LRRFIP2: variants seen among roughly 807,000 people sequenced by gnomAD.
The protein encoded by LRRFIP2 is LRR binding FLII interacting protein 2.
LRRFIP2 carries 109 observed loss-of-function variants against 125.9 expected under a neutral mutation model. The observed-to-expected ratio is 0.87, with a 90% CI of 0.74 to 1.01. LRRFIP2 has a LOEUF of 1.01. Ranked by LOEUF, LRRFIP2 falls within the 50% of genes least tolerant of loss-of-function variation. LRRFIP2 has a pLI of 0.00. For synonymous variants in LRRFIP2, 291 were observed against 293.1 expected (o/e 0.99, Z 0.07); for missense variants, 850 against 862.3 (o/e 0.99, Z 0.18).
chr3:37,083,630 C>T lies in LRRFIP2; in HGVS notation c.1278+6G>A. 6.4e-7 allele frequency: 1 copy of T among 1,553,948 alleles called. No individual in the cohort carries two copies. Among genetic ancestry groups the T allele is most frequent in the Non-Finnish European group, 8.6e-7 (1 of 1,157,952 alleles). ...GCCCCAAGAGAAAATACAAGATAAG[C>T]ATTACCTTTGATTTTTCTTCATTTT... On this transcript the variant is annotated splice_donor_region_variant and intron_variant, in intron 19 of 27. Coordinates refer to ENST00000336686, the MANE Select transcript of LRRFIP2 (RefSeq NM_006309.4).
chr3:37,158,878 G>A (rs534971358), intron 1 of LRRFIP2, among the ~76,000 whole-genome samples: 2 of 152,056 alleles, frequency 1.3e-5, no homozygotes, highest in African/African-American at 4.8e-5. Context: ...CTGAGAATTT[G>A]CAAGGCACTA....
At chr3:37,136,643 G>T (rs1336506336) in intron 2 of LRRFIP2, among the ~76,000 whole-genome samples, 1 of 151,956 alleles carries the variant, frequency 6.6e-6, no homozygotes. Context: ...TTAATAATAT[G>T]CATTATGAAT....
intron 4 of LRRFIP2, 38 bp downstream of exon 4, chr3:37,127,584 TTTCAGCAA>T: frequency 6.3e-7 from 1 of 1,587,068 alleles, no homozygotes; most frequent in Non-Finnish European, 8.7e-7. Context: ...GACTGCATTA[TTTCAGCAA>T]TTGATCACAA....
chr3:37,103,723 C>A (rs2094185718), intron 14 of LRRFIP2, among the ~76,000 whole-genome samples: 2 of 152,144 alleles, frequency 1.3e-5, no homozygotes, highest in Non-Finnish European at 2.9e-5. Flanking sequence ...CACACATAGA[C>A]CCCTCCAGGT....
chr3:37,061,102 G>A (rs2088529946), intron 24 of LRRFIP2, among the ~76,000 whole-genome samples: 1 of 152,154 alleles, frequency 6.6e-6, no homozygotes, highest in South Asian at 2.1e-4. Flanking sequence ...GTTTAAGAGT[G>A]TATGTTACCT....
chr3:37,129,960 T>C (rs925707905), intron 2 of LRRFIP2, among the ~76,000 whole-genome samples: 1 of 152,224 alleles, frequency 6.6e-6, no homozygotes, highest in Non-Finnish European at 1.5e-5. Flanking sequence ...GCCACTGCAC[T>C]GCAGCCTAGA....
At chr3:37,100,369 T>C (rs2093959028) in intron 15 of LRRFIP2, among the ~76,000 whole-genome samples, 2 of 149,774 alleles carry the variant, frequency 1.3e-5, no homozygotes, top group Non-Finnish European at 2.9e-5. Flanking sequence ...TACACATACA[T>C]ACATACATGT....
intron 1 of LRRFIP2, among the ~76,000 whole-genome samples, chr3:37,165,796 AG>A (rs1231479763): frequency 0.021 from 395 of 19,164 alleles, 4 homozygotes; most frequent in African/African-American, 0.052. Flanking sequence ...AGAAAGAAAG[AG>A]AAAGAAAGAA....
At chr3:37,128,963 T>C in intron 3 of LRRFIP2, 100 bp downstream of exon 3, 1 of 1,051,810 alleles carries the variant, frequency 9.5e-7, no homozygotes, top group Non-Finnish European at 1.5e-6. Context: ...TATACTATTT[T>C]CAATGTTTCA....
At chr3:37,165,018 G>A (rs981410486) in intron 1 of LRRFIP2, among the ~76,000 whole-genome samples, 4 of 151,346 alleles carry the variant, frequency 2.6e-5, no homozygotes, top group Admixed American at 6.6e-5. Context: ...GGCAGATCAC[G>A]AGGTCGGGAG....
chr3:37,075,621 A>G (rs1355058822), intron 19 of LRRFIP2, among the ~76,000 whole-genome samples: 1 of 152,172 alleles, frequency 6.6e-6, no homozygotes, highest in Admixed American at 6.5e-5. Context: ...CATTATAAAA[A>G]TGCCAGTTCT....
At chr3:37,154,343 T>A (rs939250295) in intron 1 of LRRFIP2, among the ~76,000 whole-genome samples, 1 of 152,186 alleles carries the variant, frequency 6.6e-6, no homozygotes, top group Non-Finnish European at 1.5e-5. Flanking sequence ...AAACTGAGAA[T>A]GTAGACTCAA....
rs2094409601 is a variant in LRRFIP2, at chr3:37,108,061, T to C, written c.714+12A>G. On this transcript the variant is annotated intron_variant, in intron 13 of 27. Transcript: ENST00000336686. ...AAATTTCTACAAAGCATGCAGAGACTAGACAGCTCACCCCTGGACTGCTTC... is the reference window on the plus strand; with the variant it reads ...AAATTTCTACAAAGCATGCAGAGACCAGACAGCTCACCCCTGGACTGCTTC... The C allele has an allele frequency of 6.2e-7, 1 of 1,612,220 alleles. No homozygotes were observed. Among genetic ancestry groups the C allele is most frequent in the Non-Finnish European group, 8.5e-7 (1 of 1,178,464 alleles).
At chr3:37,148,340 G>A (rs2095912647) in intron 2 of LRRFIP2, among the ~76,000 whole-genome samples, 1 of 152,080 alleles carries the variant, frequency 6.6e-6, no homozygotes, top group South Asian at 2.1e-4. Flanking sequence ...AGGAAGAAAA[G>A]GAAAAGAAAA....
At chr3:37,065,489 T>A (rs1369134257) in intron 23 of LRRFIP2, 2 of 483,398 alleles carry the variant, frequency 4.1e-6, no homozygotes, top group Non-Finnish European at 8.2e-6. Flanking sequence ...GCTAGCCTAC[T>A]GCTCCCCTAG....
At chr3:37,138,553 T>C (rs970806609) in intron 2 of LRRFIP2, among the ~76,000 whole-genome samples, 1 of 152,132 alleles carries the variant, frequency 6.6e-6, no homozygotes, top group Non-Finnish European at 1.5e-5. Flanking sequence ...TATATAGTAG[T>C]TCCCCCTTAT....
At chr3:37,172,064 TC>T (rs1234631780) in intron 1 of LRRFIP2, among the ~76,000 whole-genome samples, 1 of 152,186 alleles carries the variant, frequency 6.6e-6, no homozygotes, top group Non-Finnish European at 1.5e-5. Context: ...CCTTTCCCCT[TC>T]CACAAGCCCA....
chr3:37,168,375 G>T (rs1458119230), intron 1 of LRRFIP2, among the ~76,000 whole-genome samples: 1 of 152,192 alleles, frequency 6.6e-6, no homozygotes, highest in African/African-American at 2.4e-5. Flanking sequence ...TACATGCTAT[G>T]ACATGGATGA....
intron 1 of LRRFIP2, among the ~76,000 whole-genome samples, chr3:37,165,795 G>GAAAAAA (rs1469041806): frequency 2.0e-3 from 36 of 18,032 alleles, no homozygotes; most frequent in African/African-American, 5.9e-3. Flanking sequence ...GAGAAAGAAA[G>GAAAAAA]AGAAAGAAAG....
Sources: allele counts gnomAD v4.1 joint callset (sites outside exome capture counted in the v4.1 genomes callset), GRCh38; gene constraint gnomAD v4.1.1; transcripts MANE v1.5; gene names NCBI Gene and HGNC (gene_info 2026-07-23, HGNC 2026-07-21).